Variants in WAPL observed in about 807,000 individuals in gnomAD.
The protein encoded by WAPL is WAPL cohesin release factor.
A neutral mutation model predicts 121.0 loss-of-function variants in WAPL; 5 were observed. The ratio of observed to expected loss-of-function variants is 0.04; its 90% CI spans 0.02 to 0.09. The LOEUF is 0.09. Among genes scored for constraint, WAPL ranks in the 10% least tolerant of loss-of-function variants. The pLI is 1.00. For synonymous variants in WAPL, 480 were observed against 481.5 expected, an observed-to-expected ratio of 1.00 and a Z score of 0.04; for missense variants, 999 against 1,410.8, an observed-to-expected ratio of 0.71 and a Z score of 4.68.
At chr10:86,473,655 T>C (rs796500566) in intron 5 of WAPL, among the ~76,000 whole-genome samples, 4 of 152,342 alleles carry the variant, frequency 2.6e-5, no homozygotes, top group African/African-American at 9.6e-5. Context: ...TTATTTTTTA[T>C]GGCTTTCATT....
intron 2 of WAPL, among the ~76,000 whole-genome samples, chr10:86,511,712 C>A (rs949724374): frequency 5.3e-5 from 8 of 152,092 alleles, no homozygotes; most frequent in African/African-American, 1.9e-4. Flanking sequence ...GGCAGGAGGA[C>A]TACTCAAGCC....
intron 3 of WAPL, among the ~76,000 whole-genome samples, 184 bp downstream of exon 3, chr10:86,499,534 A>C (rs1289819814): frequency 1.3e-5 from 2 of 152,230 alleles, no homozygotes; most frequent in Admixed American, 6.5e-5. Context: ...AATGACTAAG[A>C]ATAGAACAAT....
intron 3 of WAPL, among the ~76,000 whole-genome samples, 154 bp from the exon 4 acceptor site, chr10:86,497,473 T>C (rs1365945736): frequency 6.6e-6 from 1 of 152,152 alleles, no homozygotes; most frequent in East Asian, 1.9e-4. Flanking sequence ...CTCCCTAGAA[T>C]AAGAAGTTTC....
At chr10:86,474,208 A>G (rs939241167) in intron 4 of WAPL, among the ~76,000 whole-genome samples, 1 of 152,178 alleles carries the variant, frequency 6.6e-6, no homozygotes, top group African/African-American at 2.4e-5. Flanking sequence ...AACCAAGAAA[A>G]GATGGCACTT....
rs1842166401 is a variant in WAPL, at chr10:86,497,234, T to G, written c.1611A>C (p.Glu537Asp). 6.2e-7 allele frequency: 1 copy of G among 1,613,244 alleles called. No individual in the cohort carries two copies. The highest frequency in any genetic ancestry group is 1.1e-5 in the South Asian group (1 of 90,826). ...PINKQGDKSK[E>D]NTRKIFSGPK... The stretch of plus-strand genomic sequence containing the variant: ...GGCCACTAAAAATCTTTCTGGTATT[T>G]TCCTTTGATTTATCTCCTTGTTTAT... Residue 537 changes from glutamate (E) to aspartate (D), a missense_variant, in exon 4 of 19, where the codon GAA becomes GAC. Glu to Asp is a conservative substitution (Grantham distance 45). Coordinates refer to ENST00000298767, the MANE Select transcript of WAPL (RefSeq NM_015045.5).
At chr10:86,499,012 A>G (rs768929673) in intron 3 of WAPL, among the ~76,000 whole-genome samples, 1 of 152,204 alleles carries the variant, frequency 6.6e-6, no homozygotes, top group Non-Finnish European at 1.5e-5. Context: ...TTCCCTCATT[A>G]TAACCACCTG....
At chr10:86,438,137 G>A (rs1849370529) in intron 17 of WAPL, 122 bp from the exon 18 acceptor site, 2 of 619,184 alleles carry the variant, frequency 3.2e-6, no homozygotes, top group Admixed American at 2.8e-5. Flanking sequence ...GGAACACGTG[G>A]TTATTTATTC....
chr10:86,513,497 TA>T lies in WAPL; in HGVS notation c.499+4073del, dbSNP rs1258032789. ...ACAGACATGCGCCACCACACCTGGT[TA>T]ATTTTTGTATTTTTTTTAGTAAAGA... On this transcript the variant is annotated intron_variant, in intron 2 of 18. Coordinates refer to ENST00000298767, the MANE Select transcript of WAPL (RefSeq NM_015045.5). Among the ~76,000 whole-genome samples the T allele has an allele frequency of 2.0e-5, 3 of 152,010 alleles. No homozygotes were observed. The East Asian group carries it at 5.8e-4, about 29-fold the overall frequency.
intron 2 of WAPL, among the ~76,000 whole-genome samples, chr10:86,506,668 T>C (rs1047948459): frequency 2.0e-5 from 3 of 152,164 alleles, no homozygotes; most frequent in South Asian, 2.1e-4. Flanking sequence ...CACGTTCCTA[T>C]AGTCCTAGCT....
chr10:86,466,523 C>G (rs955416057), intron 9 of WAPL, among the ~76,000 whole-genome samples: 1 of 152,054 alleles, frequency 6.6e-6, no homozygotes, highest in Admixed American at 6.5e-5. Flanking sequence ...TGAGCTATGA[C>G]TGCACCACCG....
intron 2 of WAPL, among the ~76,000 whole-genome samples, chr10:86,513,698 T>C (rs553045173): frequency 7.2e-4 from 110 of 152,282 alleles, no homozygotes; most frequent in Admixed American, 1.4e-3. Flanking sequence ...TACTCCCCTA[T>C]AGAGAAAGAG....
At chr10:86,494,359 A>T (rs1842109485) in intron 4 of WAPL, among the ~76,000 whole-genome samples, 1 of 152,212 alleles carries the variant, frequency 6.6e-6, no homozygotes, top group African/African-American at 2.4e-5. Context: ...TTTTTTCTCA[A>T]ACATCATCTT....
chr10:86,498,409 C>T (rs1401713991), intron 3 of WAPL, among the ~76,000 whole-genome samples: 5 of 151,290 alleles, frequency 3.3e-5, no homozygotes, highest in Admixed American at 2.0e-4. Flanking sequence ...TCTTTTTTTT[C>T]GGGGGAGGCA....
chr10:86,517,365 C>G (rs1842575564), intron 2 of WAPL, among the ~76,000 whole-genome samples: 1 of 152,202 alleles, frequency 6.6e-6, no homozygotes, highest in Non-Finnish European at 1.5e-5. Flanking sequence ...GCGCAACAGT[C>G]TATAAATGTT....
At chr10:86,442,890 A>G (rs535988315) in intron 17 of WAPL, among the ~76,000 whole-genome samples, 1 of 152,196 alleles carries the variant, frequency 6.6e-6, no homozygotes, top group African/African-American at 2.4e-5. Context: ...AATACAAAAA[A>G]AAGTTAGCCG....
intron 4 of WAPL, among the ~76,000 whole-genome samples, chr10:86,490,307 A>G (rs1842018978): frequency 6.6e-6 from 1 of 152,160 alleles, no homozygotes; most frequent in Admixed American, 6.5e-5. Context: ...ATAAATTAGC[A>G]ATAATTTTCT....
Position 86,500,430 on chromosome 10 carries a change from T to C in WAPL, c.813A>G (p.Arg271=), listed in dbSNP as rs1034401074. The change falls in exon 3 of 19, where the codon CGA becomes CGG. Residue 271 remains arginine (R), a synonymous_variant. Transcript: ENST00000298767. ...LEMKDDDFKN[R]LENLNEAIEE... ...CAATGGCTTCATTCAGATTTTCCAATCGATTTTTAAAATCGTCATCCTTCA... is the reference window on the plus strand; with the variant it reads ...CAATGGCTTCATTCAGATTTTCCAACCGATTTTTAAAATCGTCATCCTTCA... 1 of 1,614,122 alleles carries C rather than the reference T, an allele frequency of 6.2e-7. No individual in the cohort carries two copies. Among genetic ancestry groups the C allele is most frequent in the Non-Finnish European group, 8.5e-7 (1 of 1,180,054 alleles).
intron 4 of WAPL, chr10:86,488,404 A>G (rs1368170963): frequency 6.6e-6 from 1 of 152,256 alleles, no homozygotes; most frequent in African/African-American, 2.4e-5. Context: ...CAGGACTGGG[A>G]AAGTATAGGA....
chr10:86,499,202 G>T (rs1304089119), intron 3 of WAPL, among the ~76,000 whole-genome samples: 1 of 152,144 alleles, frequency 6.6e-6, no homozygotes, highest in Non-Finnish European at 1.5e-5. Flanking sequence ...TCTACAAATT[G>T]GTTCCTTACA....
Sources: allele counts gnomAD v4.1 joint callset (sites outside exome capture counted in the v4.1 genomes callset), GRCh38; gene constraint gnomAD v4.1.1; transcripts MANE v1.5; gene names NCBI Gene and HGNC (gene_info 2026-07-23, HGNC 2026-07-21).